Variants in CFAP74 observed in about 807,000 individuals in gnomAD.
CFAP74 encodes cilia and flagella associated protein 74, also known as cilia- and flagella-associated protein 74.
A neutral mutation model predicts 188.9 loss-of-function variants in CFAP74; 124 were observed. The ratio of observed to expected loss-of-function variants is 0.66; its 90% CI spans 0.57 to 0.76. The LOEUF (loss-of-function observed/expected upper bound fraction) is 0.76, where lower values mean the gene tolerates loss of function less well. CFAP74 is among the 30% of genes least tolerant of loss of function. The probability of loss-of-function intolerance (pLI) is 0.00; values close to 1 mark genes in which losing one functional copy is unlikely to be tolerated. For synonymous variants in CFAP74, 956 were observed against 916.7 expected (o/e 1.04, Z -0.77); for missense variants, 2,198 against 2,165.2 (o/e 1.02, Z -0.30).
intron 17 of CFAP74, 69 bp from the exon 18 acceptor site, chr1:1,955,919 C>A: frequency 6.5e-7 from 1 of 1,538,934 alleles, no homozygotes; most frequent in Non-Finnish European, 8.7e-7. Flanking sequence ...GCTGCCGGAA[C>A]TCCCATGAGG....
chr1:1,974,770 C>A (rs1656330983), intron 6 of CFAP74, among the ~76,000 whole-genome samples: 1 of 152,216 alleles, frequency 6.6e-6, no homozygotes, highest in South Asian at 2.1e-4. Flanking sequence ...TGACACAGTG[C>A]CCCTTGGTTC....
intron 18 of CFAP74, among the ~76,000 whole-genome samples, chr1:1,948,412 A>AATATAT (rs56005703): frequency 0.19 from 27,679 of 144,092 alleles, 3,011 homozygotes; most frequent in Non-Finnish European, 0.25. Flanking sequence ...GGCATATATA[A>AATATAT]ATATATATAT....
At chr1:1,971,098 T>C (rs1198419690) in intron 9 of CFAP74, among the ~76,000 whole-genome samples, 1 of 131,462 alleles carries the variant, frequency 7.6e-6, no homozygotes, top group Admixed American at 7.6e-5. Flanking sequence ...CATGCACACC[T>C]GCACACGTGT....
At chr1:1,956,920 G>C (rs756974559) in intron 16 of CFAP74, 136 bp from the exon 17 acceptor site, 5 of 866,938 alleles carry the variant, frequency 5.8e-6, no homozygotes, top group Non-Finnish European at 8.9e-6. Context: ...GCAGGTACAC[G>C]ATTCAACCCA....
In CFAP74 at chr1:1,972,845, T is replaced by A. The variant is rs909826107; in HGVS notation, c.785+92A>T. The A allele has an allele frequency of 1.9e-4, 169 of 892,294 alleles. 1 individual carries two copies. In the African/African-American group the frequency reaches 2.6e-3, roughly 14 times the overall value. The allele number at this position is 892,294 out of a possible 1,614,324, so 55.3% of individuals were successfully genotyped here. The stretch of plus-strand genomic sequence containing the variant: ...CGACAGAGCAAGGCTCCATCTTAAA[T>A]AAATAAATAATAAAATCAGGGCATT... On this transcript the variant is annotated intron_variant, in intron 8 of 38. Transcript: ENST00000682832.
At chr1:1,976,699 C>T (rs140403866) in intron 6 of CFAP74, among the ~76,000 whole-genome samples, 2,650 of 152,194 alleles carry the variant, frequency 0.017, 81 homozygotes, top group African/African-American at 0.061. Flanking sequence ...TGCACCACCA[C>T]GCCCAGCTAG....
chr1:1,958,757 T>C (rs1654850602), intron 16 of CFAP74, among the ~76,000 whole-genome samples: 1 of 152,188 alleles, frequency 6.6e-6, no homozygotes, highest in African/African-American at 2.4e-5. Context: ...TGCTGTTCTG[T>C]TTTCCTCTAT....
intron 16 of CFAP74, among the ~76,000 whole-genome samples, chr1:1,957,840 G>C (rs1473248118): frequency 6.6e-6 from 1 of 152,168 alleles, no homozygotes; most frequent in Non-Finnish European, 1.5e-5. Context: ...GGCTCACCAA[G>C]AGCCCGCACA....
At chr1:1,963,700 T>A in intron 14 of CFAP74, 49 bp downstream of exon 14, 1 of 1,226,492 alleles carries the variant, frequency 8.2e-7, no homozygotes, top group Non-Finnish European at 1.2e-6. Context: ...CCTATGAACC[T>A]CCTGCTGTCC....
chr1:1,954,384 G>T (rs1011326392), intron 18 of CFAP74: 3 of 152,198 alleles, frequency 2.0e-5, no homozygotes, highest in African/African-American at 4.8e-5. Context: ...ATTTAATTTG[G>T]ATCAATTTAA....
chr1:1,924,325 C>T (rs1651667988), intron 34 of CFAP74, 66 bp downstream of exon 34: 2 of 864,426 alleles, frequency 2.3e-6, no homozygotes, highest in Non-Finnish European at 3.2e-6. Context: ...CTCCAGGCCA[C>T]TGCCTACTCC....
At chr1:1,930,894 T>C (rs1485030138) in intron 25 of CFAP74, among the ~76,000 whole-genome samples, 6 of 152,216 alleles carry the variant, frequency 3.9e-5, no homozygotes, top group Non-Finnish European at 8.8e-5. Flanking sequence ...CCACCATCTA[T>C]TAAAAAGAGG....
chr1:1,947,267 T>A (rs1042896520), intron 18 of CFAP74, among the ~76,000 whole-genome samples: 2 of 152,222 alleles, frequency 1.3e-5, no homozygotes, highest in African/African-American at 4.8e-5. Flanking sequence ...TGGAAGCCCT[T>A]TCCCAAAGAC....
chr1:1,992,937 G>A (rs59499546), intron 1 of CFAP74, among the ~76,000 whole-genome samples: 13 of 151,510 alleles, frequency 8.6e-5, no homozygotes, highest in Middle Eastern at 3.5e-3. Context: ...ACAGTGGCTC[G>A]CGCTTATAAT....
At chr1:1,959,738 C>T (rs891434082) in intron 15 of CFAP74, among the ~76,000 whole-genome samples, 24 of 152,212 alleles carry the variant, frequency 1.6e-4, no homozygotes, top group African/African-American at 2.9e-4. Flanking sequence ...CGAGAGTGCA[C>T]GCCCTCGGCC....
intron 4 of CFAP74, 29 bp from the exon 5 acceptor site, chr1:1,987,064 T>C (rs1249838365): frequency 9.6e-6 from 15 of 1,560,090 alleles, no homozygotes; most frequent in Non-Finnish European, 1.3e-5. Flanking sequence ...GGTCAGATGA[T>C]GGTTCCCTGA....
In CFAP74 at chr1:1,933,381, T is replaced by C. The variant is rs1020796047; in HGVS notation, c.3012-3045A>G. Among the ~76,000 whole-genome samples the C allele has an allele frequency of 4.6e-5, 7 of 151,514 alleles. 1 individual carries two copies. Among genetic ancestry groups the C allele is most frequent in the African/African-American group, 9.7e-5 (4 of 41,156 alleles). On this transcript the variant is annotated intron_variant, in intron 25 of 38. Transcript: ENST00000682832. Reference sequence around the variant, plus strand: ...TTTTAGTAGAGACAGGGTTTCACCATGTTGGCCAGGCTGGTCTCAAACTCC... The same window carrying C: ...TTTTAGTAGAGACAGGGTTTCACCACGTTGGCCAGGCTGGTCTCAAACTCC...
intron 14 of CFAP74, among the ~76,000 whole-genome samples, chr1:1,961,191 G>A (rs1459495211): frequency 2.0e-5 from 3 of 152,164 alleles, no homozygotes; most frequent in Admixed American, 6.5e-5. Context: ...TCAAAAGGAG[G>A]AGCAGGAGGG....
At chr1:1,964,587 C>T (rs1302764947) in intron 13 of CFAP74, among the ~76,000 whole-genome samples, 2 of 152,180 alleles carry the variant, frequency 1.3e-5, no homozygotes, top group Admixed American at 6.5e-5. Flanking sequence ...GTCAGGAGTT[C>T]GAGACCAGCC....
Sources: allele counts gnomAD v4.1 joint callset (sites outside exome capture counted in the v4.1 genomes callset), GRCh38; gene constraint gnomAD v4.1.1; transcripts MANE v1.5; gene names NCBI Gene and HGNC (gene_info 2026-07-23, HGNC 2026-07-21).